ST18: variants seen among roughly 807,000 people sequenced by gnomAD.
ST18 encodes ST18 C2H2C-type zinc finger transcription factor.
In ST18, 50 loss-of-function variants were observed where a neutral mutation model predicts 110.0. That is an observed-to-expected ratio of 0.45 (90% CI 0.36 to 0.58). The LOEUF (loss-of-function observed/expected upper bound fraction) is 0.58, where lower values mean the gene tolerates loss of function less well. Among genes scored for constraint, ST18 ranks in the 20% least tolerant of loss-of-function variants. The probability of loss-of-function intolerance (pLI) is 0.00; values close to 1 mark genes in which losing one functional copy is unlikely to be tolerated. For synonymous variants in ST18, 461 were observed against 452.4 expected (o/e 1.02, Z -0.24); for missense variants, 1,306 against 1,280.1 (o/e 1.02, Z -0.31).
chr8:52,157,685 TA>T (rs2060373176), intron 15 of ST18, among the ~76,000 whole-genome samples: 1 of 152,266 alleles, frequency 6.6e-6, no homozygotes. Flanking sequence ...CTCATTTGTT[TA>T]AAAATTGTTT....
chr8:52,236,611 C>CA (rs754799390), intron 2 of ST18, among the ~76,000 whole-genome samples: 2,618 of 88,746 alleles, frequency 0.029, 33 homozygotes, highest in Middle Eastern at 0.049. Flanking sequence ...AATTCCACCT[C>CA]AAAAAAAAAA....
At chr8:52,183,990 A>G (rs1587958346) in intron 8 of ST18, among the ~76,000 whole-genome samples, 1 of 152,188 alleles carries the variant, frequency 6.6e-6, no homozygotes, top group African/African-American at 2.4e-5. Flanking sequence ...GTGTGCATGG[A>G]AAATGGTCCC....
At chr8:52,205,351 T>G (rs1417822758) in intron 8 of ST18, among the ~76,000 whole-genome samples, 1 of 151,954 alleles carries the variant, frequency 6.6e-6, no homozygotes, top group African/African-American at 2.4e-5. Flanking sequence ...ACACCTCCCA[T>G]ACTGCAAAAT....
Position 52,124,079 on chromosome 8 carries a change from T to C in ST18, c.2755+1973A>G, listed in dbSNP as rs2046038645. On this transcript the variant is annotated intron_variant, in intron 23 of 25. Coordinates refer to ENST00000689386, the MANE Select transcript of ST18 (RefSeq NM_001352837.2). Reference sequence around the variant, plus strand: ...CAAGGTCAAATTTGCAATCCTTATTTACCCAGCAAGAAATGACTCTTCGCA... The same window carrying C: ...CAAGGTCAAATTTGCAATCCTTATTCACCCAGCAAGAAATGACTCTTCGCA... Among the ~76,000 whole-genome samples the C allele has an allele frequency of 2.0e-5, 3 of 152,214 alleles. No homozygotes were observed. In the South Asian group the frequency reaches 6.2e-4, roughly 32 times the overall value.
intron 23 of ST18, among the ~76,000 whole-genome samples, chr8:52,124,159 C>T (rs2046069634): frequency 6.6e-6 from 1 of 150,638 alleles, no homozygotes; most frequent in Non-Finnish European, 1.5e-5. Context: ...TTCGACTTTC[C>T]TTTGTCTCAT....
At chr8:52,261,600 T>C (rs2094695944) in intron 2 of ST18, among the ~76,000 whole-genome samples, 1 of 152,232 alleles carries the variant, frequency 6.6e-6, no homozygotes, top group Admixed American at 6.5e-5. Flanking sequence ...GAATTACTTC[T>C]CTATGCTTCC....
chr8:52,308,442 T>A (rs571030053), intron 2 of ST18, among the ~76,000 whole-genome samples: 1 of 152,356 alleles, frequency 6.6e-6, no homozygotes, highest in East Asian at 1.9e-4. Flanking sequence ...ACAAGCTGGA[T>A]AATCTTTCTT....
At chr8:52,174,983 G>A (rs762908723) in intron 9 of ST18, among the ~76,000 whole-genome samples, 1 of 151,664 alleles carries the variant, frequency 6.6e-6, no homozygotes, top group Non-Finnish European at 1.5e-5. Context: ...ATTTTCTCTG[G>A]GGGCCTGGTG....
At chr8:52,380,412 T>C (rs1189769034) in intron 2 of ST18, among the ~76,000 whole-genome samples, 1 of 152,092 alleles carries the variant, frequency 6.6e-6, no homozygotes, top group Non-Finnish European at 1.5e-5. Context: ...ACTACTACTA[T>C]CAGTAGTTAA....
At chr8:52,266,517 G>A (rs2094875967) in intron 2 of ST18, among the ~76,000 whole-genome samples, 1 of 151,468 alleles carries the variant, frequency 6.6e-6, no homozygotes, top group Non-Finnish European at 1.5e-5. Context: ...TCTCACAGGG[G>A]AAGGATCGCA....
intron 11 of ST18, among the ~76,000 whole-genome samples, chr8:52,165,976 T>TG (rs1330795693): frequency 2.0e-5 from 3 of 152,116 alleles, no homozygotes; most frequent in African/African-American, 4.8e-5. Context: ...GGGCTGAGGG[T>TG]GGAGAGGGGG....
At chr8:52,278,394 A>G (rs1170835515) in intron 2 of ST18, among the ~76,000 whole-genome samples, 1 of 152,258 alleles carries the variant, frequency 6.6e-6, no homozygotes, top group Non-Finnish European at 1.5e-5. Context: ...ATTAAATAAC[A>G]TATACATGTG....
At chr8:52,260,558 A>T (rs6998048) in intron 2 of ST18, among the ~76,000 whole-genome samples, 45,958 of 151,314 alleles carry the variant, frequency 0.3, 7,233 homozygotes, top group Middle Eastern at 0.46. Context: ...GAAGTGTTCA[A>T]CTACTTCATT....
chr8:52,210,174 G>T (rs2081662280), intron 8 of ST18: 1 of 455,820 alleles, frequency 2.2e-6, no homozygotes, highest in Non-Finnish European at 4.4e-6. Flanking sequence ...CCCACTTGGA[G>T]CACTGGGTCA....
chr8:52,360,502 A>T (rs1220754779), intron 2 of ST18, among the ~76,000 whole-genome samples: 3 of 152,004 alleles, frequency 2.0e-5, no homozygotes, highest in African/African-American at 7.2e-5. Flanking sequence ...TCAACAAATA[A>T]TGCAAAAAAA....
intron 16 of ST18, among the ~76,000 whole-genome samples, chr8:52,144,404 A>G (rs1455563379): frequency 1.3e-5 from 2 of 152,122 alleles, no homozygotes; most frequent in East Asian, 3.8e-4. Flanking sequence ...TCTATATTCA[A>G]AAGCAATATG....
chr8:52,216,144 T>A (rs1014093028), intron 6 of ST18, among the ~76,000 whole-genome samples: 13 of 152,196 alleles, frequency 8.5e-5, no homozygotes, highest in South Asian at 2.1e-4. Context: ...AGAGTGCCAG[T>A]GGACACAAAT....
chr8:52,157,664 T>C (rs952562720), intron 15 of ST18, among the ~76,000 whole-genome samples: 1 of 152,280 alleles, frequency 6.6e-6, no homozygotes, highest in African/African-American at 2.4e-5. Flanking sequence ...TATTTCTCTT[T>C]GTTTAAGAAC....
intron 15 of ST18, among the ~76,000 whole-genome samples, chr8:52,152,512 C>T (rs1275043910): frequency 1.3e-5 from 2 of 152,108 alleles, no homozygotes; most frequent in Admixed American, 6.5e-5. Flanking sequence ...ATGTTCTTTC[C>T]GACTTAGAGG....
Sources: allele counts gnomAD v4.1 joint callset (sites outside exome capture counted in the v4.1 genomes callset), GRCh38; gene constraint gnomAD v4.1.1; transcripts MANE v1.5; gene names NCBI Gene and HGNC (gene_info 2026-07-23, HGNC 2026-07-21).